Variants in DGKB observed in about 807,000 individuals in gnomAD.
DGKB encodes the protein diacylglycerol kinase beta, also known as 90 kDa diacylglycerol kinase.
DGKB carries 67 observed loss-of-function variants against 114.3 expected under a neutral mutation model. That is an observed-to-expected ratio of 0.59 (90% CI 0.48 to 0.72). The LOEUF (loss-of-function observed/expected upper bound fraction) is 0.72, where lower values mean the gene tolerates loss of function less well. Ranked by LOEUF, DGKB falls within the 30% of genes least tolerant of loss-of-function variation. The pLI, the probability that DGKB is intolerant of heterozygous loss-of-function variation, is 0.00. For synonymous variants in DGKB, 398 were observed against 323.1 expected, an observed-to-expected ratio of 1.23 and a Z score of -2.49; for missense variants, 907 against 975.2, an observed-to-expected ratio of 0.93 and a Z score of 0.93.
intron 23 of DGKB, among the ~76,000 whole-genome samples, chr7:14,200,738 A>AGAGCACTAACATGTAAAAAAAAC (rs1412165935): frequency 6.6e-6 from 1 of 152,024 alleles, no homozygotes; most frequent in Non-Finnish European, 1.5e-5. Flanking sequence ...AGTCTCCTTA[A>AGAGCACTAACATGTAAAAAAAAC]GAGCACTAAC....
At chr7:14,768,352 ATTC>A (rs976359214) in intron 2 of DGKB, among the ~76,000 whole-genome samples, 47 of 152,104 alleles carry the variant, frequency 3.1e-4, no homozygotes, top group African/African-American at 1.1e-3. Context: ...TCTATAGGAT[ATTC>A]TTCTCACAAA....
intron 1 of DGKB, among the ~76,000 whole-genome samples, chr7:14,973,069 A>G (rs1787568320): frequency 1.3e-5 from 2 of 152,010 alleles, no homozygotes. Context: ...TAAAATAGAA[A>G]CTATAATTTG....
chr7:14,612,989 AG>A (rs1181185052), intron 16 of DGKB, among the ~76,000 whole-genome samples: 1 of 152,108 alleles, frequency 6.6e-6, no homozygotes, highest in Non-Finnish European at 1.5e-5. Flanking sequence ...TCGGTTCCTC[AG>A]TACTGAATTA....
At chr7:14,254,402 G>A (rs1299109378) in intron 23 of DGKB, among the ~76,000 whole-genome samples, 2 of 152,050 alleles carry the variant, frequency 1.3e-5, no homozygotes, top group African/African-American at 4.8e-5. Context: ...ATAGAACATA[G>A]AATTTATCCT....
Position 14,280,355 on chromosome 7 carries a change from C to G in DGKB, c.2122+58160G>C, listed in dbSNP as rs576088313. 6.7e-3 allele frequency among the ~76,000 whole-genome samples: 1,023 copies of G among 152,018 alleles called. 15 individuals carry two copies. Among genetic ancestry groups the G allele is most frequent in the African/African-American group, 0.024 (979 of 41,428 alleles). ...AGCAAAGCCTCCAAGAAATATGGGACTATGTGAAAAGACCAAATCTACGTC... is the reference window on the plus strand; with the variant it reads ...AGCAAAGCCTCCAAGAAATATGGGAGTATGTGAAAAGACCAAATCTACGTC... On this transcript the variant is annotated intron_variant, in intron 23 of 25. Transcript: ENST00000402815.
At chr7:14,324,170 C>T (rs1028220419) in intron 23 of DGKB, among the ~76,000 whole-genome samples, 2 of 152,008 alleles carry the variant, frequency 1.3e-5, no homozygotes, top group Admixed American at 6.6e-5. Context: ...AAAGTTTTGG[C>T]GGGCACAGTG....
At chr7:14,355,800 T>G (rs1814350854) in intron 21 of DGKB, among the ~76,000 whole-genome samples, 1 of 152,148 alleles carries the variant, frequency 6.6e-6, no homozygotes, top group Non-Finnish European at 1.5e-5. Flanking sequence ...ATAAAATGAG[T>G]TAGGGAAGAC....
intron 20 of DGKB, among the ~76,000 whole-genome samples, chr7:14,490,656 C>G (rs1227962070): frequency 6.6e-6 from 1 of 152,180 alleles, no homozygotes; most frequent in Non-Finnish European, 1.5e-5. Context: ...TTTGAACTAA[C>G]TTCTTCCAGT....
chr7:14,158,874 A>T (rs1248443607), intron 25 of DGKB, among the ~76,000 whole-genome samples: 1 of 152,166 alleles, frequency 6.6e-6, no homozygotes, highest in African/African-American at 2.4e-5. Context: ...CTTACCTCTT[A>T]TAACCAATAA....
At chr7:14,923,656 C>T (rs1301615815) in intron 1 of DGKB, among the ~76,000 whole-genome samples, 8 of 152,084 alleles carry the variant, frequency 5.3e-5, no homozygotes, top group African/African-American at 1.9e-4. Flanking sequence ...CCAATCCATT[C>T]TCCATGGAGC....
intron 4 of DGKB, among the ~76,000 whole-genome samples, chr7:14,753,481 C>T (rs141106697): frequency 5.5e-4 from 84 of 152,184 alleles, no homozygotes; most frequent in African/African-American, 1.7e-3. Context: ...GTTTCCCCCA[C>T]ATATTCTATC....
At chr7:14,646,588 A>G (rs939985831) in intron 13 of DGKB, among the ~76,000 whole-genome samples, 8 of 152,180 alleles carry the variant, frequency 5.3e-5, no homozygotes. Context: ...ACTGTATCTT[A>G]GGCCTCAATA....
chr7:14,659,220 G>A (rs1816515378), intron 13 of DGKB, among the ~76,000 whole-genome samples: 1 of 151,890 alleles, frequency 6.6e-6, no homozygotes, highest in East Asian at 1.9e-4. Context: ...TGGTCTAAAG[G>A]GCTATGGTGC....
At chr7:14,876,717 C>G (rs1004441758) in intron 1 of DGKB, among the ~76,000 whole-genome samples, 1 of 152,182 alleles carries the variant, frequency 6.6e-6, no homozygotes, top group Non-Finnish European at 1.5e-5. Context: ...ACTCAATCAT[C>G]TGATGCTACA....
intron 2 of DGKB, among the ~76,000 whole-genome samples, chr7:14,763,200 CAA>C (rs1187108007): frequency 2.6e-5 from 4 of 151,888 alleles, no homozygotes; most frequent in African/African-American, 9.7e-5. Context: ...GAGTGAAGTT[CAA>C]CATAATGTAT....
intron 20 of DGKB, among the ~76,000 whole-genome samples, chr7:14,524,652 A>T (rs1790344618): frequency 6.6e-6 from 1 of 150,950 alleles, no homozygotes. Context: ...GCCATTCGGG[A>T]GGCTGAGGTG....
At chr7:14,905,911 T>C (rs1233536579), upstream of DGKB, among the ~76,000 whole-genome samples, 1 of 152,208 alleles carries the variant, frequency 6.6e-6, no homozygotes, top group Non-Finnish European at 1.5e-5. Flanking sequence ...ATTCTTTTCG[T>C]CTTTTTTCTG....
intron 20 of DGKB, among the ~76,000 whole-genome samples, chr7:14,541,103 G>T (rs968321392): frequency 2.0e-5 from 3 of 151,454 alleles, no homozygotes. Context: ...AATATTGTTG[G>T]TCTCCTTTTT....
At chr7:14,851,465 A>C (rs967503835) in intron 1 of DGKB, among the ~76,000 whole-genome samples, 1 of 152,138 alleles carries the variant, frequency 6.6e-6, no homozygotes, top group African/African-American at 2.4e-5. Flanking sequence ...GATAGATTCT[A>C]TCCATAGGGA....
Sources: gnomAD v4.1 joint callset for allele counts (sites outside exome capture counted in the v4.1 genomes callset) on GRCh38, gnomAD v4.1.1 for gene constraint, MANE v1.5 for transcripts, NCBI Gene and HGNC (gene_info 2026-07-23, HGNC 2026-07-21) for gene names.